NRXN1: variants seen among roughly 807,000 people sequenced by gnomAD.
NRXN1 encodes neurexin 1, also known as neurexin-1.
In NRXN1, 39 loss-of-function variants were observed where a neutral mutation model predicts 150.9. The observed-to-expected ratio is 0.26, with a 90% CI of 0.20 to 0.34. NRXN1 has a LOEUF of 0.34. Among genes scored for constraint, NRXN1 ranks in the 10% least tolerant of loss-of-function variants. The pLI is 1.00. For missense variants in NRXN1, 1,815 were observed against 1,949.9 expected, an observed-to-expected ratio of 0.93 and a Z score of 1.30; for synonymous variants, 924 against 757.0, an observed-to-expected ratio of 1.22 and a Z score of -3.62.
At chr2:50,302,584 G>A (rs944376254) in intron 17 of NRXN1, among the ~76,000 whole-genome samples, 4 of 152,026 alleles carry the variant, frequency 2.6e-5, no homozygotes, top group Admixed American at 6.6e-5. Flanking sequence ...TTGCAGTTTC[G>A]ATTTATACAC....
At chr2:50,698,172 G>C (rs1165842050) in intron 5 of NRXN1, among the ~76,000 whole-genome samples, 1 of 152,226 alleles carries the variant, frequency 6.6e-6, no homozygotes, top group Non-Finnish European at 1.5e-5. Flanking sequence ...CAGCAGTGCT[G>C]GCACTTAGTA....
chr2:50,597,035 T>C (rs565858377), intron 8 of NRXN1, among the ~76,000 whole-genome samples: 1 of 152,108 alleles, frequency 6.6e-6, no homozygotes, highest in Admixed American at 6.5e-5. Flanking sequence ...GTATTTTTTG[T>C]AGGGATGGGG....
chr2:50,990,203 G>A (rs558402945), intron 2 of NRXN1, among the ~76,000 whole-genome samples: 1 of 151,802 alleles, frequency 6.6e-6, no homozygotes, highest in Non-Finnish European at 1.5e-5. Flanking sequence ...TTTAGGATAG[G>A]CATGTATTAT....
rs186615870 is a variant in NRXN1, at chr2:50,538,225, G to C, written c.2143+28C>G. The C allele has an allele frequency of 3.5e-5, 55 of 1,591,854 alleles. No homozygotes were observed. The East Asian group carries it at 1.2e-3, about 35-fold the overall frequency. On this transcript the variant is annotated intron_variant, in intron 10 of 22. Transcript: ENST00000401669. ...TTTAATAAACTTTTCATCTCAGGGA[G>C]TTGGCTGCTGGGGTTTTAGAATCCT...
chr2:50,722,763 T>A (rs189182641), intron 5 of NRXN1, among the ~76,000 whole-genome samples: 30 of 152,318 alleles, frequency 2.0e-4, no homozygotes, highest in African/African-American at 7.2e-4. Flanking sequence ...CAAAAATCAA[T>A]TTGAAATTCT....
At chr2:49,923,886 T>C (rs1267487871) in intron 22 of NRXN1, among the ~76,000 whole-genome samples, 2 of 152,260 alleles carry the variant, frequency 1.3e-5, no homozygotes, top group Non-Finnish European at 2.9e-5. Flanking sequence ...AATGTGTCAT[T>C]GCTTGTTTTA....
chr2:50,428,819 A>G (rs1305713240), intron 17 of NRXN1, among the ~76,000 whole-genome samples: 3 of 152,352 alleles, frequency 2.0e-5, no homozygotes, highest in East Asian at 3.9e-4. Flanking sequence ...CCAATGAGAA[A>G]GGTACTCTCA....
chr2:49,973,098 A>T (rs1678239846), intron 21 of NRXN1: 1 of 152,240 alleles, frequency 6.6e-6, no homozygotes, highest in African/African-American at 2.4e-5. Context: ...CAAGGAATTC[A>T]CACACACATG....
At chr2:50,332,498 T>C (rs1388042344) in intron 17 of NRXN1, among the ~76,000 whole-genome samples, 2 of 152,200 alleles carry the variant, frequency 1.3e-5, no homozygotes, top group African/African-American at 2.4e-5. Context: ...AGCATTCACC[T>C]TCACCTAGTT....
At chr2:50,782,931 C>A (rs1367704896) in intron 5 of NRXN1, among the ~76,000 whole-genome samples, 1 of 152,174 alleles carries the variant, frequency 6.6e-6, no homozygotes, top group Admixed American at 6.6e-5. Context: ...TGAGAGAACT[C>A]TGTGCAAACT....
chr2:50,859,603 AT>A (rs138989252), intron 5 of NRXN1, among the ~76,000 whole-genome samples: 11,129 of 144,052 alleles, frequency 0.077, 437 homozygotes, highest in Non-Finnish European at 0.1. Context: ...GGTTACAGGT[AT>A]TTTTTTTTTT....
chr2:50,492,387 A>G (rs1038533065), intron 15 of NRXN1, among the ~76,000 whole-genome samples: 4 of 152,184 alleles, frequency 2.6e-5, no homozygotes, highest in Admixed American at 1.3e-4. Context: ...CTTCTGAGAG[A>G]AAGATCATTA....
intron 17 of NRXN1, among the ~76,000 whole-genome samples, chr2:50,375,476 G>C (rs996643142): frequency 6.7e-6 from 1 of 148,662 alleles, no homozygotes; most frequent in African/African-American, 2.5e-5. Context: ...GTTAAAATTT[G>C]AAAGCTAGTC....
chr2:50,389,094 G>T (rs564540975), intron 17 of NRXN1, among the ~76,000 whole-genome samples: 10 of 151,944 alleles, frequency 6.6e-5, no homozygotes, highest in African/African-American at 2.4e-4. Context: ...CTTGAGCCTG[G>T]GAGGCAGAAG....
chr2:50,024,010 T>C (rs1687934400), intron 21 of NRXN1: 1 of 152,190 alleles, frequency 6.6e-6, no homozygotes, highest in Admixed American at 6.5e-5. Context: ...ACAGATGAAG[T>C]TGGATGTCTG....
intron 18 of NRXN1, among the ~76,000 whole-genome samples, chr2:50,122,005 G>C (rs1374883329): frequency 6.6e-6 from 1 of 152,154 alleles, no homozygotes; most frequent in South Asian, 2.1e-4. Context: ...TATATTTCAA[G>C]AGAAAGTAGT....
At chr2:50,842,667 C>T (rs765968235) in intron 5 of NRXN1, among the ~76,000 whole-genome samples, 3 of 152,120 alleles carry the variant, frequency 2.0e-5, no homozygotes, top group Non-Finnish European at 2.9e-5. Context: ...ATTAGTAACC[C>T]ACTACAAACT....
chr2:50,098,859 T>TGG lies in NRXN1; in HGVS notation c.3547-7366_3547-7365insCC, dbSNP rs1558874892. 3.0e-3 allele frequency among the ~76,000 whole-genome samples: 87 copies of TGG among 29,362 alleles called. 3 individuals carry two copies. Among genetic ancestry groups the TGG allele is most frequent in the African/African-American group, 0.012 (82 of 7,108 alleles). The allele number at this position is 29,362 out of a possible 152,430, so 19.3% of individuals were successfully genotyped here. A position where few individuals can be genotyped will look rare whatever the true frequency, so the allele number is the denominator to read the frequency against. On this transcript the variant is annotated intron_variant, in intron 18 of 22. Transcript: ENST00000401669. ...TTTTTTTTTTTTTTTTTTTTTTTTT[T>TGG]TTTTTTTTTTTTTTTTTTTTTTTGG...
At chr2:50,312,667 T>A in intron 17 of NRXN1, 1 of 489,220 alleles carries the variant, frequency 2.0e-6, no homozygotes. Flanking sequence ...TCTCAGACAG[T>A]CCATCTGATT....
Sources: allele counts gnomAD v4.1 joint callset (sites outside exome capture counted in the v4.1 genomes callset), GRCh38; gene constraint gnomAD v4.1.1; transcripts MANE v1.5; gene names NCBI Gene and HGNC (gene_info 2026-07-23, HGNC 2026-07-21).